Variants in SGCD observed in about 807,000 individuals in gnomAD.
The protein encoded by SGCD is delta-sarcoglycan.
SGCD carries 18 observed loss-of-function variants against 36.6 expected under a neutral mutation model. The ratio of observed to expected loss-of-function variants is 0.49; its 90% CI spans 0.34 to 0.73. The LOEUF is 0.73. Ranked by LOEUF, SGCD falls within the 30% of genes least tolerant of loss-of-function variation. The pLI is 0.01. For missense variants in SGCD, 387 were observed against 346.7 expected, an observed-to-expected ratio of 1.12 and a Z score of -0.92; for synonymous variants, 133 against 130.6, an observed-to-expected ratio of 1.02 and a Z score of -0.12.
At chr5:156,421,841 A>C (rs1486643950) in intron 3 of SGCD, among the ~76,000 whole-genome samples, 1 of 152,074 alleles carries the variant, frequency 6.6e-6, no homozygotes, top group Non-Finnish European at 1.5e-5. Context: ...ATAAGTCCTA[A>C]TACCCAATCT....
chr5:156,616,245 G>C (rs1581261579), intron 6 of SGCD, among the ~76,000 whole-genome samples: 1 of 152,302 alleles, frequency 6.6e-6, no homozygotes, highest in East Asian at 1.9e-4. Context: ...TGTGTGGACT[G>C]TCATGGACCA....
At chr5:156,291,524 A>G (rs1314024901) in intron 3 of SGCD, among the ~76,000 whole-genome samples, 1 of 152,182 alleles carries the variant, frequency 6.6e-6, no homozygotes, top group Admixed American at 6.6e-5. Flanking sequence ...CTAGAAAAAC[A>G]AAAATTTTCA....
At chr5:156,596,001 C>T (rs1760913520) in intron 6 of SGCD, among the ~76,000 whole-genome samples, 1 of 152,024 alleles carries the variant, frequency 6.6e-6, no homozygotes, top group Admixed American at 6.6e-5. Flanking sequence ...CTGCTGTCAC[C>T]CACTAGTTTT....
the SGCD span, among the ~76,000 whole-genome samples, chr5:155,803,887 G>A: frequency 4.0e-3 from 602 of 152,218 alleles, 1 homozygote; most frequent in East Asian, 0.029. Flanking sequence ...ATGGGGCAGC[G>A]CAGCACAATA....
At chr5:155,727,863 CCTTCTCCCGGTGTTTCTTAACCCCTTT>C in the SGCD span, among the ~76,000 whole-genome samples, 1 of 152,216 alleles carries the variant, frequency 6.6e-6, no homozygotes, top group African/African-American at 2.4e-5. Context: ...TCCGCACACT[CCTTCTCCCGGTGTTTCTTAACCCCTTT>C]CTTCTCCCGG....
chr5:156,423,356 TTATAATATATTATATTTTATTATAA>T lies in SGCD; in HGVS notation c.192+78724_192+78748del, dbSNP rs1185468492. Reference sequence around the variant, plus strand: ...TATAATATAATATATTATAATTTTATTATAATATATTATATTTTATTATAATATAATATATTATATTTTATTATAA... The same window carrying T: ...TATAATATAATATATTATAATTTTATTATAATATATTATATTTTATTATAA... On this transcript the variant is annotated intron_variant, in intron 3 of 8. Transcript: ENST00000337851. Among the ~76,000 whole-genome samples, 666 of 80,714 alleles carry T rather than the reference TTATAATATATTATATTTTATTATAA, an allele frequency of 8.3e-3. 5 individuals carry two copies. The highest frequency in any genetic ancestry group is 0.011 in the Non-Finnish European group (490 of 43,214). The allele number at this position is 80,714 out of a possible 152,430, so 53.0% of individuals were successfully genotyped here. A position where few individuals can be genotyped will look rare whatever the true frequency, so the allele number is the denominator to read the frequency against.
intron 3 of SGCD, among the ~76,000 whole-genome samples, chr5:156,216,557 C>T (rs921604445): frequency 3.3e-5 from 5 of 152,148 alleles, no homozygotes; most frequent in African/African-American, 1.2e-4. Flanking sequence ...TCTCTTATGT[C>T]ACTACCCATG....
At chr5:156,362,397 C>T (rs1769844709) in intron 3 of SGCD, among the ~76,000 whole-genome samples, 1 of 152,198 alleles carries the variant, frequency 6.6e-6, no homozygotes, top group African/African-American at 2.4e-5. Flanking sequence ...CCTGTAATGC[C>T]AGCACTTTGG....
chr5:155,864,186 G>A, the SGCD span, among the ~76,000 whole-genome samples: 1 of 152,184 alleles, frequency 6.6e-6, no homozygotes, highest in African/African-American at 2.4e-5. Context: ...TGTGTCAGGA[G>A]AATAGCATGG....
the SGCD span, among the ~76,000 whole-genome samples, chr5:155,819,974 T>C: frequency 6.6e-6 from 1 of 152,212 alleles, no homozygotes. Flanking sequence ...GTTATACTAC[T>C]TTGGCATGCA....
At chr5:156,202,405 G>T (rs1764172851) in intron 3 of SGCD, among the ~76,000 whole-genome samples, 1 of 152,058 alleles carries the variant, frequency 6.6e-6, no homozygotes, top group East Asian at 1.9e-4. Context: ...TGATTAAATG[G>T]GTCTGAGCTT....
intron 1 of SGCD, among the ~76,000 whole-genome samples, chr5:156,074,154 G>A (rs1458092009): frequency 6.6e-6 from 1 of 152,152 alleles, no homozygotes; most frequent in East Asian, 1.9e-4. Context: ...TATATCTTTT[G>A]GAACCACATA....
intron 4 of SGCD, among the ~76,000 whole-genome samples, chr5:156,546,561 C>A (rs1758580171): frequency 6.6e-6 from 1 of 151,948 alleles, no homozygotes; most frequent in African/African-American, 2.4e-5. Context: ...GGATAACTTT[C>A]AGATTATTTT....
chr5:156,513,557 C>T (rs1757032269), intron 4 of SGCD, among the ~76,000 whole-genome samples: 1 of 152,192 alleles, frequency 6.6e-6, no homozygotes, highest in Admixed American at 6.5e-5. Context: ...TCCAGTTGAG[C>T]AAGATTAGTC....
At chr5:156,758,264 G>A (rs1469499159) in intron 8 of SGCD, among the ~76,000 whole-genome samples, 1 of 152,078 alleles carries the variant, frequency 6.6e-6, no homozygotes, top group Non-Finnish European at 1.5e-5. Flanking sequence ...TTGTGTTTTT[G>A]CTAGCAAGAC....
intron 3 of SGCD, among the ~76,000 whole-genome samples, chr5:156,188,255 A>G (rs930948839): frequency 1.3e-5 from 2 of 152,164 alleles, no homozygotes; most frequent in African/African-American, 2.4e-5. Flanking sequence ...ATTAAAAACA[A>G]CTGACAATGA....
At chr5:156,484,902 T>C (rs1279275702) in intron 3 of SGCD, among the ~76,000 whole-genome samples, 1 of 152,208 alleles carries the variant, frequency 6.6e-6, no homozygotes, top group African/African-American at 2.4e-5. Flanking sequence ...ATATTGTTGC[T>C]GGAAATGTTC....
chr5:156,246,616 C>T (rs1275416792), intron 3 of SGCD, among the ~76,000 whole-genome samples: 4 of 152,076 alleles, frequency 2.6e-5, no homozygotes, highest in Non-Finnish European at 4.4e-5. Context: ...AAGGAATATG[C>T]TAAAGCCGGA....
the SGCD span, among the ~76,000 whole-genome samples, chr5:155,739,795 A>C: frequency 6.7e-6 from 1 of 149,708 alleles, no homozygotes; most frequent in Middle Eastern, 3.4e-3. Flanking sequence ...AAATTTGTTA[A>C]AGGAGCAAGT....
Sources: gnomAD v4.1 joint callset for allele counts (sites outside exome capture counted in the v4.1 genomes callset) on GRCh38, gnomAD v4.1.1 for gene constraint, MANE v1.5 for transcripts, NCBI Gene and HGNC (gene_info 2026-07-23, HGNC 2026-07-21) for gene names.